Variants in SLC27A5 observed in about 807,000 individuals in gnomAD.
SLC27A5 encodes the protein long-chain fatty acid transport protein 5.
SLC27A5 carries 47 observed loss-of-function variants against 63.1 expected under a neutral mutation model. That is an observed-to-expected ratio of 0.74 (90% CI 0.59 to 0.95). SLC27A5 has a LOEUF of 0.95. SLC27A5 is among the 40% of genes least tolerant of loss of function. The probability of loss-of-function intolerance (pLI) is 0.00; values close to 1 mark genes in which losing one functional copy is unlikely to be tolerated. For synonymous variants in SLC27A5, 391 were observed against 403.8 expected, an observed-to-expected ratio of 0.97 and a Z score of 0.38; for missense variants, 940 against 921.0, an observed-to-expected ratio of 1.02 and a Z score of -0.27.
At chr19:58,499,077 T>A in intron 8 of SLC27A5, 46 bp downstream of exon 8, 1 of 1,609,038 alleles carries the variant, frequency 6.2e-7, no homozygotes, top group Non-Finnish European at 8.5e-7. Context: ...TAACGACCCC[T>A]CCACCCACAA....
chr19:58,509,847 C>G lies in SLC27A5; in HGVS notation c.1057G>C (p.Gly353Arg). 6.2e-7 allele frequency: 1 copy of G among 1,610,684 alleles called. No homozygotes were observed. The highest frequency in any genetic ancestry group is 8.5e-7 in the Non-Finnish European group (1 of 1,178,238). ...GAGGGATCCTCAGAAGTGGGCTTAC[C>G]GAGATCTAAGCAGCCGAGGATCCCA... ...VVGILGCLDL[G>R]ATCVLAPKFS... is the part of the protein sequence containing the mutation. The change falls in exon 3 of 10, where the codon GGA becomes CGA. Residue 353 changes from glycine (G) to arginine (R), a missense_variant and splice_region_variant. By Grantham distance (125) the Gly-to-Arg change is moderately radical. Coordinates refer to ENST00000263093, the MANE Select transcript of SLC27A5 (RefSeq NM_012254.3).
At chr19:58,502,333 T>A (rs2053284517) in intron 3 of SLC27A5, among the ~76,000 whole-genome samples, 1 of 130,978 alleles carries the variant, frequency 7.6e-6, no homozygotes, top group Non-Finnish European at 1.6e-5. Flanking sequence ...ACAGTTAGAG[T>A]AGTGAGTGAG....
chr19:58,503,153 C>T (rs753055030), intron 3 of SLC27A5, among the ~76,000 whole-genome samples: 39 of 149,590 alleles, frequency 2.6e-4, no homozygotes, highest in African/African-American at 9.6e-4. Flanking sequence ...TGCAGTGAGC[C>T]GAGATAGCGC....
At position 58,511,463 on chromosome 19, in the gene SLC27A5, C is replaced by T. The variant is rs1454779046; in HGVS notation, c.493G>A (p.Asp165Asn). ...AAWALKAELG[D>N]PASLCAGEPT... The stretch of plus-strand genomic sequence containing the variant: ...TCCCCGGCACACAGGCTCGCAGGGT[C>T]ACCCAGCTCAGCCTTCAGGGCCCAT... The change falls in exon 1 of 10, where the codon GAC becomes AAC. Residue 165 changes from aspartate to asparagine, a missense_variant. Transcript: ENST00000263093. The T allele has an allele frequency of 2.5e-6, 4 of 1,589,274 alleles. No homozygotes were observed. Among genetic ancestry groups the T allele is most frequent in the South Asian group, 1.1e-5 (1 of 88,078 alleles).
At position 58,511,870 on chromosome 19, in the gene SLC27A5, A is replaced by T. The variant is rs772778054; in HGVS notation, c.86T>A (p.Val29Glu). The T allele has an allele frequency of 3.2e-6, 5 of 1,554,052 alleles. No homozygotes were observed. Among genetic ancestry groups the T allele is most frequent in the African/African-American group, 2.7e-5 (2 of 73,226 alleles). ...GLGQPVWPVA[V>E]ALTLRWLLGD... is the part of the protein sequence containing the mutation. ...CAGGAGCCAGCGCAGGGTCAAGGCC[A>T]CAGCGACTGGCCACACTGGCTGCCC... Residue 29 changes from valine to glutamate, a missense_variant, in exon 1 of 10, where the codon GTG (valine) becomes GAG (glutamate). Coordinates refer to ENST00000263093, the MANE Select transcript of SLC27A5 (RefSeq NM_012254.3).
chr19:58,511,398 T>C lies in SLC27A5; in HGVS notation c.558A>G (p.Pro186=). ...CCAGCCCCAGCCACATACACAGGGC[T>C]GGAACGGCCTGGGAAGCCAGCACAA... ...ALLVLASQAV[P]ALCMWLGLAK... The change falls in exon 1 of 10, where the codon CCA becomes CCG. Residue 186 remains proline (P), a synonymous_variant. Coordinates refer to ENST00000263093, the MANE Select transcript of SLC27A5 (RefSeq NM_012254.3). The C allele has an allele frequency of 6.2e-7, 1 of 1,608,414 alleles. No individual in the cohort carries two copies. The highest frequency in any genetic ancestry group is 8.5e-7 in the Non-Finnish European group (1 of 1,177,734).
intron 7 of SLC27A5, 115 bp from the exon 8 acceptor site, chr19:58,499,335 G>T (rs1178082104): frequency 7.7e-7 from 1 of 1,292,040 alleles, no homozygotes; most frequent in Non-Finnish European, 1.1e-6. Context: ...CCGCCCCCTC[G>T]AAAATCGAGA....
At chr19:58,501,250 G>T in intron 4 of SLC27A5, 36 bp downstream of exon 4, 1 of 1,602,170 alleles carries the variant, frequency 6.2e-7, no homozygotes, top group Non-Finnish European at 8.5e-7. Flanking sequence ...TTCATACTTG[G>T]GTGTTCACCA....
At chr19:58,507,887 A>C (rs949936405) in intron 3 of SLC27A5, 4 of 152,020 alleles carry the variant, frequency 2.6e-5, no homozygotes, top group African/African-American at 9.7e-5. Context: ...CGCCCTGGTA[A>C]ATTTGAGGTC....
At position 58,509,862 on chromosome 19, in the gene SLC27A5, C is replaced by T. The variant is rs750002836; in HGVS notation, c.1042G>A (p.Gly348Ser). 3.2e-5 allele frequency: 51 copies of T among 1,612,698 alleles called. No homozygotes were observed. Among genetic ancestry groups the T allele is most frequent in the African/African-American group, 6.7e-5 (5 of 74,862 alleles). ...GTGGGCTTACCGAGATCTAAGCAGC[C>T]GAGGATCCCAACGACAAGTCCCATC... is the stretch of plus-strand genomic sequence containing the variant. ...HVMGLVVGIL[G>S]CLDLGATCVL... The change falls in exon 3 of 10, where the codon GGC becomes AGC. Residue 348 changes from glycine (G) to serine (S), a missense_variant. By Grantham distance (56) the Gly-to-Ser change is moderately conservative. Coordinates refer to ENST00000263093, the MANE Select transcript of SLC27A5 (RefSeq NM_012254.3).
Position 58,510,727 on chromosome 19 carries a change from T to TC in SLC27A5, c.891dup (p.Thr298AspfsTer13), listed in dbSNP as rs1469962514. 1 of 1,605,270 alleles carries TC rather than the reference T, an allele frequency of 6.2e-7. No individual in the cohort carries two copies. Among genetic ancestry groups the TC allele is most frequent in the African/African-American group, 1.3e-5 (1 of 74,866 alleles). On this transcript the variant is annotated frameshift_variant, in exon 2 of 10. Coordinates refer to ENST00000263093, the MANE Select transcript of SLC27A5 (RefSeq NM_012254.3). LOFTEE classifies it high-confidence loss of function. ...GGCTAATGGGCACCCTCACCAGTGG[T>TC]CCCCGAGGTATAGATGAAGAGGGCA... is the stretch of plus-strand genomic sequence containing the variant.
intron 4 of SLC27A5, 74 bp from the exon 5 acceptor site, chr19:58,500,780 G>A (rs974449613): frequency 3.2e-6 from 5 of 1,566,090 alleles, no homozygotes; most frequent in Non-Finnish European, 4.3e-6. Context: ...CCTAGAGGGG[G>A]TGTTATCCTG....
At chr19:58,500,749 G>T in intron 4 of SLC27A5, 43 bp from the exon 5 acceptor site, 1 of 1,596,696 alleles carries the variant, frequency 6.3e-7, no homozygotes, top group South Asian at 1.1e-5. Context: ...GGTGCTCTTG[G>T]GGCATGCCTT....
In SLC27A5 at chr19:58,510,749, G is replaced by A; in HGVS notation, c.870C>T (p.Ala290=). The change falls in exon 2 of 10, where the codon GCC becomes GCT. Residue 290 remains alanine (A), a synonymous_variant. Transcript: ENST00000263093. ...LRAGITWRSP[A]LFIYTSGTTG... ...TGGTCCCCGAGGTATAGATGAAGAG[G>A]GCAGGGCTTCTCCATGTGATCCCAG... 6.2e-7 allele frequency: 1 copy of A among 1,612,630 alleles called. No homozygotes were observed. Among genetic ancestry groups the A allele is most frequent in the Non-Finnish European group, 8.5e-7 (1 of 1,179,466 alleles).
Position 58,499,116 on chromosome 19 carries a change from T to C in SLC27A5, c.1765+7A>G. ...TGTTGGAAGTTTAAAATGAGAACCC[T>C]CCGCACCTGGCACGCACACGCCATA... On this transcript the variant is annotated splice_region_variant and intron_variant, in intron 8 of 9. Coordinates refer to ENST00000263093, the MANE Select transcript of SLC27A5 (RefSeq NM_012254.3). 1 of 1,613,744 alleles carries C rather than the reference T, an allele frequency of 6.2e-7. No individual in the cohort carries two copies. The highest frequency in any genetic ancestry group is 8.5e-7 in the Non-Finnish European group (1 of 1,179,912).
Position 58,511,762 on chromosome 19 carries a change from C to A in SLC27A5, c.194G>T (p.Ser65Ile). The change falls in exon 1 of 10, where the codon AGC (serine) becomes ATC (isoleucine). Residue 65 changes from serine to isoleucine, a missense_variant. Ser to Ile is a moderately radical substitution (Grantham distance 142). Transcript: ENST00000263093. ...WLGPWVPHGL[S>I]LAAAALALTL... ...TAGTGCCAGGGCCGCAGCTGCCAGG[C>A]TCAGCCCATGGGGCACCCAGGGGCC... The A allele has an allele frequency of 6.4e-7, 1 of 1,551,344 alleles. No homozygotes were observed. The highest frequency in any genetic ancestry group is 8.7e-7 in the Non-Finnish European group (1 of 1,147,132).
In SLC27A5 at chr19:58,509,871, C is replaced by G. The variant is rs1201758152; in HGVS notation, c.1033G>C (p.Gly345Arg). Residue 345 changes from glycine (G) to arginine (R), a missense_variant, in exon 3 of 10, where the codon GGG (glycine) becomes CGG (arginine). Gly to Arg is a moderately radical substitution (Grantham distance 125, BLOSUM62 -2). Transcript: ENST00000263093. ...CCGAGATCTAAGCAGCCGAGGATCC[C>G]AACGACAAGTCCCATCACGTGGTAC... ...PLYHVMGLVV[G>R]ILGCLDLGAT... 1 of 1,613,172 alleles carries G rather than the reference C, an allele frequency of 6.2e-7. No homozygotes were observed. The highest frequency in any genetic ancestry group is 1.3e-5 in the African/African-American group (1 of 74,988).
intron 3 of SLC27A5, 41 bp downstream of exon 3, chr19:58,509,806 G>A (rs775140852): frequency 2.6e-5 from 40 of 1,565,764 alleles, no homozygotes; most frequent in East Asian, 6.9e-5. Context: ...ACTTACTCCC[G>A]TGGTCCTGTA....
At chr19:58,498,940 G>A in intron 8 of SLC27A5, 25 bp from the exon 9 acceptor site, 4 of 1,604,226 alleles carry the variant, frequency 2.5e-6, no homozygotes, top group Non-Finnish European at 3.4e-6. Flanking sequence ...GGTCACTCTC[G>A]GCTGACCCAT....
Sources: allele counts gnomAD v4.1 joint callset (sites outside exome capture counted in the v4.1 genomes callset), GRCh38; gene constraint gnomAD v4.1.1; transcripts MANE v1.5; gene names NCBI Gene and HGNC (gene_info 2026-07-23, HGNC 2026-07-21).